The following DLGAP2 variants were observed in gnomAD, a reference collection of about 807,000 sequenced individuals.
The protein encoded by DLGAP2 is DLG associated protein 2.
A neutral mutation model predicts 100.3 loss-of-function variants in DLGAP2; 26 were observed. That is an observed-to-expected ratio of 0.26 (90% confidence interval 0.19 to 0.36). The LOEUF (loss-of-function observed/expected upper bound fraction) is 0.36, where lower values mean the gene tolerates loss of function less well. Ranked by LOEUF, DLGAP2 falls within the 10% of genes least tolerant of loss-of-function variation. The probability of loss-of-function intolerance (pLI) is 1.00; values close to 1 mark genes in which losing one functional copy is unlikely to be tolerated. For missense variants in DLGAP2, 1,858 were observed against 1,453.2 expected, an observed-to-expected ratio of 1.28 and a Z score of -4.53; for synonymous variants, 886 against 630.1, an observed-to-expected ratio of 1.41 and a Z score of -6.08.
At chr8:1,411,091 T>G (rs1404883776) in intron 3 of DLGAP2, among the ~76,000 whole-genome samples, 1 of 152,182 alleles carries the variant, frequency 6.6e-6, no homozygotes, top group Non-Finnish European at 1.5e-5. Flanking sequence ...ATACGCCAGT[T>G]GTTCCTTTCA....
In DLGAP2 at chr8:1,384,637, C is replaced by T. The variant is rs866617546; in HGVS notation, c.107-116729C>T. Among the ~76,000 whole-genome samples, 659 of 129,830 alleles carry T rather than the reference C, an allele frequency of 5.1e-3. 4 individuals are homozygous for T. Among genetic ancestry groups the T allele is most frequent in the African/African-American group, 0.019 (600 of 31,052 alleles). 85.2% of individuals were successfully genotyped at this position (129,830 alleles called of 152,430 possible). On this transcript the variant is annotated intron_variant, in intron 3 of 14. Transcript: ENST00000637795. The stretch of plus-strand genomic sequence containing the variant: ...GTGCACAGTTACCCCGGCCTGTGCC[C>T]GTCCCCTGAGAACTTGATGCACAGT...
intron 12 of DLGAP2, among the ~76,000 whole-genome samples, chr8:1,683,619 A>G (rs1165759690): frequency 6.7e-6 from 1 of 149,708 alleles, no homozygotes; most frequent in Non-Finnish European, 1.5e-5. Flanking sequence ...AGTGCCAGAC[A>G]ATAGGAATGG....
chr8:901,024 C>T (rs550464454), intron 1 of DLGAP2, among the ~76,000 whole-genome samples: 1 of 152,182 alleles, frequency 6.6e-6, no homozygotes, highest in Non-Finnish European at 1.5e-5. Flanking sequence ...GGTGTAGTGG[C>T]TCATGCCTGA....
chr8:1,617,886 T>C (rs1398289456), intron 6 of DLGAP2, among the ~76,000 whole-genome samples: 1 of 152,170 alleles, frequency 6.6e-6, no homozygotes, highest in Non-Finnish European at 1.5e-5. Context: ...ATAGGACATA[T>C]GGAAAACAAC....
chr8:997,963 A>G (rs1015182126), intron 2 of DLGAP2, among the ~76,000 whole-genome samples: 2 of 152,202 alleles, frequency 1.3e-5, no homozygotes, highest in African/African-American at 4.8e-5. Flanking sequence ...ACACATGCAT[A>G]CACGCATGCA....
Position 1,068,451 on chromosome 8 carries a change from C to T in DLGAP2, c.73+160485C>T, listed in dbSNP as rs775433942. 3.3e-5 allele frequency among the ~76,000 whole-genome samples: 5 copies of T among 152,166 alleles called. No homozygotes were observed. In the East Asian group the frequency reaches 5.8e-4, roughly 18 times the overall value. ...AGTTCCTGTTCATCCACGTCCTCAGCGGCGCTTGAGGCTGTCTGTGCTGGG... is the reference window on the plus strand; with the variant it reads ...AGTTCCTGTTCATCCACGTCCTCAGTGGCGCTTGAGGCTGTCTGTGCTGGG... On this transcript the variant is annotated intron_variant, in intron 2 of 14. Transcript: ENST00000637795.
chr8:1,363,486 T>C (rs1253272274), intron 3 of DLGAP2, among the ~76,000 whole-genome samples: 1 of 152,226 alleles, frequency 6.6e-6, no homozygotes, highest in Non-Finnish European at 1.5e-5. Flanking sequence ...AGTGATGGCC[T>C]TGTCCACAAA....
At chr8:863,330 C>T (rs1281239804) in intron 1 of DLGAP2, among the ~76,000 whole-genome samples, 2 of 152,184 alleles carry the variant, frequency 1.3e-5, no homozygotes, top group Non-Finnish European at 2.9e-5. Context: ...TGATGGAGTG[C>T]TAGATTGCAT....
chr8:858,335 T>G (rs1797321632), intron 1 of DLGAP2, among the ~76,000 whole-genome samples: 1 of 152,246 alleles, frequency 6.6e-6, no homozygotes, highest in Non-Finnish European at 1.5e-5. Context: ...CGCAAAAGGC[T>G]ACGCAATGTA....
At chr8:858,554 CAT>C (rs528821260) in intron 1 of DLGAP2, among the ~76,000 whole-genome samples, 10 of 150,876 alleles carry the variant, frequency 6.6e-5, no homozygotes, top group Non-Finnish European at 8.9e-5. Flanking sequence ...ACCGTGGGCA[CAT>C]GTGTGATGCT....
At chr8:1,219,223 C>G (rs1048820504) in intron 2 of DLGAP2, among the ~76,000 whole-genome samples, 14 of 152,126 alleles carry the variant, frequency 9.2e-5, no homozygotes, top group South Asian at 2.1e-4. Context: ...ATGCCTCCAG[C>G]TTTTACCCAT....
At position 1,086,234 on chromosome 8, in the gene DLGAP2, A is replaced by G. The variant is rs1466550717; in HGVS notation, c.74-172617A>G. Among the ~76,000 whole-genome samples the G allele has an allele frequency of 2.0e-5, 3 of 152,112 alleles. 1 individual carries two copies. The highest frequency in any genetic ancestry group is 3.9e-4 in the East Asian group (2 of 5,192). ...ACAGGAACAATTTAACTTCTTTCCA[A>G]TTTGTATGTTTTTCATTTTTTTCTG... On this transcript the variant is annotated intron_variant, in intron 2 of 14. Coordinates refer to ENST00000637795, the MANE Select transcript of DLGAP2 (RefSeq NM_001346810.2).
chr8:1,639,650 C>G (rs1797850385), intron 8 of DLGAP2, among the ~76,000 whole-genome samples: 1 of 152,234 alleles, frequency 6.6e-6, no homozygotes, highest in African/African-American at 2.4e-5. Context: ...TCCAGCAGCA[C>G]AGATGTGCCG....
Position 1,701,540 on chromosome 8 carries a change from C to G in DLGAP2, c.*134C>G, listed in dbSNP as rs1226553657. On this transcript the variant is annotated 3_prime_UTR_variant, in exon 15 of 15. Coordinates refer to ENST00000637795, the MANE Select transcript of DLGAP2 (RefSeq NM_001346810.2). ...GCTCCCGCGCTCCCCGCGCCCCGGA[C>G]ACAGCGGGACGCGGCCGGCGGCCTC... The G allele has an allele frequency of 3.0e-5, 29 of 975,362 alleles. No individual in the cohort carries two copies. The highest frequency in any genetic ancestry group is 3.3e-4 in the Middle Eastern group (1 of 3,058). 60.4% of individuals were successfully genotyped at this position (975,362 alleles called of 1,614,324 possible). A position where few individuals can be genotyped will look rare whatever the true frequency, so the allele number is the denominator to read the frequency against.
intron 2 of DLGAP2, among the ~76,000 whole-genome samples, chr8:1,221,884 A>C (rs918603767): frequency 2.0e-5 from 3 of 152,132 alleles, no homozygotes; most frequent in Non-Finnish European, 4.4e-5. Flanking sequence ...AGCTTGGTCT[A>C]TTCTGTTATT....
At chr8:1,326,047 A>T (rs2117048236) in intron 3 of DLGAP2, among the ~76,000 whole-genome samples, 1 of 152,352 alleles carries the variant, frequency 6.6e-6, no homozygotes, top group Non-Finnish European at 1.5e-5. Context: ...CCATTTGTTC[A>T]ATAAGCAGGA....
At chr8:1,199,166 A>G (rs972119245) in intron 2 of DLGAP2, among the ~76,000 whole-genome samples, 4 of 152,216 alleles carry the variant, frequency 2.6e-5, no homozygotes, top group Non-Finnish European at 4.4e-5. Context: ...GAATTACTGA[A>G]GAGAATTCTG....
At chr8:1,508,192 G>A (rs1022069356) in intron 4 of DLGAP2, among the ~76,000 whole-genome samples, 32 of 151,656 alleles carry the variant, frequency 2.1e-4, no homozygotes, top group African/African-American at 6.8e-4. Flanking sequence ...TTTCTGGGGT[G>A]CATTTACAGC....
intron 4 of DLGAP2, among the ~76,000 whole-genome samples, chr8:1,514,061 C>T (rs1042877626): frequency 3.3e-5 from 5 of 152,206 alleles, no homozygotes; most frequent in Non-Finnish European, 5.9e-5. Flanking sequence ...TACTTCTGAG[C>T]GCCCACCACT....
Sources: allele counts gnomAD v4.1 joint callset (sites outside exome capture counted in the v4.1 genomes callset), GRCh38; gene constraint gnomAD v4.1.1; transcripts MANE v1.5; gene names NCBI Gene and HGNC (gene_info 2026-07-23, HGNC 2026-07-21).